Variants in OC90 observed in about 807,000 individuals in gnomAD.
The protein encoded by OC90 is otoconin 90, also known as otoconin-90.
OC90 carries 46 observed loss-of-function variants against 47.3 expected under a neutral mutation model. The ratio of observed to expected loss-of-function variants is 0.97; its 90% CI spans 0.77 to 1.24. OC90 has a LOEUF of 1.24. Among genes scored for constraint, OC90 ranks in the 50% most tolerant of loss-of-function variants. The pLI, the probability that OC90 is intolerant of heterozygous loss-of-function variation, is 0.00. For missense variants in OC90, 688 were observed against 583.9 expected (o/e 1.18, Z -1.84); for synonymous variants, 271 against 219.5 (o/e 1.23, Z -2.07).
chr8:132,040,636 T>G (rs931744726), intron 6 of OC90, among the ~76,000 whole-genome samples: 1 of 152,194 alleles, frequency 6.6e-6, no homozygotes, highest in African/African-American at 2.4e-5. Flanking sequence ...TGCTAACCAT[T>G]TCACAAGCAT....
intron 1 of OC90, among the ~76,000 whole-genome samples, chr8:132,057,907 A>G (rs1823296382): frequency 6.6e-6 from 1 of 152,264 alleles, no homozygotes; most frequent in South Asian, 2.1e-4. Context: ...GGCAATGACC[A>G]GACCCAGGTG....
chr8:132,039,090 G>A lies in OC90; in HGVS notation c.491C>T (p.Thr164Ile), dbSNP rs1586710524. 6.2e-7 allele frequency: 1 copy of A among 1,612,798 alleles called. No homozygotes were observed. The highest frequency in any genetic ancestry group is 1.1e-5 in the South Asian group (1 of 90,734). Reference protein sequence around the residue: ...SKDNCEHLLCTCDKAAIECLA... With the variant: ...SKDNCEHLLCICDKAAIECLA... ...GCACTCTATGGCAGCCTTATCACAG[G>A]TACACAGCAGGTGCTCACAGTTGTC... The change falls in exon 7 of 14, where the codon ACC becomes ATC. Residue 164 changes from threonine to isoleucine, a missense_variant. Thr to Ile is a moderately conservative substitution (Grantham distance 89). Transcript: ENST00000254627.
intron 2 of OC90, 30 bp from the exon 3 acceptor site, chr8:132,045,913 G>A: frequency 4.0e-6 from 5 of 1,259,650 alleles, no homozygotes; most frequent in Non-Finnish European, 5.7e-6. Context: ...AGTAGGGTAA[G>A]CACAAACACT....
chr8:132,046,062 G>A (rs1304065203), intron 2 of OC90, among the ~76,000 whole-genome samples, 179 bp from the exon 3 acceptor site: 1 of 152,174 alleles, frequency 6.6e-6, no homozygotes, highest in Non-Finnish European at 1.5e-5. Flanking sequence ...AAGGAAATAA[G>A]GGGATGGCTG....
chr8:132,057,466 C>G (rs1325997978), intron 1 of OC90, among the ~76,000 whole-genome samples: 1 of 152,096 alleles, frequency 6.6e-6, no homozygotes, highest in Non-Finnish European at 1.5e-5. Flanking sequence ...TGACTATGCT[C>G]TAATTTATTT....
chr8:132,028,934 G>GA, intron 13 of OC90, 139 bp downstream of exon 13: 3 of 593,138 alleles, frequency 5.1e-6, no homozygotes, highest in East Asian at 3.0e-5. Flanking sequence ...GGAAGGGAAG[G>GA]AAGGAAGGAA....
intron 1 of OC90, among the ~76,000 whole-genome samples, chr8:132,056,022 G>C (rs1015657893): frequency 6.6e-6 from 1 of 152,130 alleles, no homozygotes; most frequent in African/African-American, 2.4e-5. Flanking sequence ...TCTGCTTTTA[G>C]AACATGTTTT....
intron 1 of OC90, among the ~76,000 whole-genome samples, chr8:132,057,872 G>A (rs895664006): frequency 2.6e-5 from 4 of 152,216 alleles, no homozygotes; most frequent in Non-Finnish European, 1.5e-5. Flanking sequence ...TGCCAGGGTG[G>A]CCCTTGCCCA....
At chr8:132,039,724 A>G (rs569218729) in intron 6 of OC90, among the ~76,000 whole-genome samples, 4 of 151,936 alleles carry the variant, frequency 2.6e-5, no homozygotes, top group African/African-American at 7.2e-5. Context: ...CTCAACCACA[A>G]CAGGCCTCTC....
At chr8:132,041,417 A>G in intron 5 of OC90, 108 bp downstream of exon 5, 1 of 958,882 alleles carries the variant, frequency 1.0e-6, no homozygotes, top group Non-Finnish European at 1.6e-6. Context: ...CCCTCTCCTG[A>G]GTCCCAAGTC....
intron 13 of OC90, 77 bp from the exon 14 acceptor site, chr8:132,024,853 C>A (rs1001319454): frequency 1.5e-6 from 2 of 1,291,768 alleles, no homozygotes; most frequent in Non-Finnish European, 2.1e-6. Context: ...CCTGGCCACC[C>A]CTCAGCCCTT....
chr8:132,048,624 T>A (rs1337422724), intron 2 of OC90, among the ~76,000 whole-genome samples: 1 of 151,574 alleles, frequency 6.6e-6, no homozygotes, highest in Non-Finnish European at 1.5e-5. Flanking sequence ...TGTTTTTCTA[T>A]CAGCGTCAAT....
chr8:132,027,347 A>T (rs1332214729), intron 13 of OC90, among the ~76,000 whole-genome samples: 7 of 152,152 alleles, frequency 4.6e-5, no homozygotes. Flanking sequence ...TGAATGAGAG[A>T]GTGATATGTA....
intron 11 of OC90, 96 bp from the exon 12 acceptor site, chr8:132,032,148 T>C: frequency 8.9e-7 from 1 of 1,117,842 alleles, no homozygotes; most frequent in Non-Finnish European, 1.3e-6. Flanking sequence ...TGTGGACAAC[T>C]CTAGTCATGC....
At chr8:132,039,204 C>A in intron 6 of OC90, 81 bp from the exon 7 acceptor site, 1 of 1,437,326 alleles carries the variant, frequency 7.0e-7, no homozygotes, top group South Asian at 1.2e-5. Context: ...AGACTGAGTT[C>A]CTCATCTCCC....
rs185452238 is a variant in OC90 at position 132,024,349 on chromosome 8, T to C, written c.*132A>G. On this transcript the variant is annotated 3_prime_UTR_variant, in exon 14 of 14. Transcript: ENST00000254627. ...TGAGGCATGGGCAGGGCTCACGGCC[T>C]CTGTTCCCTCCCCGCCTCTGAGTTA... 1.1e-5 allele frequency: 8 copies of C among 733,758 alleles called. No individual in the cohort carries two copies. Among genetic ancestry groups the C allele is most frequent in the Non-Finnish European group, 1.7e-5 (8 of 465,914 alleles). The allele number at this position is 733,758 out of a possible 1,614,324, so 45.5% of individuals were successfully genotyped here. A position where few individuals can be genotyped will look rare whatever the true frequency, so the allele number is the denominator to read the frequency against.
rs1353916637 is a variant in OC90 at position 132,038,816 on chromosome 8, T to A, written c.602A>T (p.Glu201Val). The change falls in exon 8 of 14, where the codon GAA (glutamate) becomes GTA (valine). Residue 201 changes from glutamate to valine, a missense_variant. Coordinates refer to ENST00000254627, the MANE Select transcript of OC90 (RefSeq NM_001080399.3). ...TCTGGGCAGAAGTGTTGTCAAGTCT[T>A]CCTTGATGGTTGTCTCTGAAAAGAA... ...LAQTPETTIKEDLTTLLPRVV... is the reference protein window; with the variant it reads ...LAQTPETTIKVDLTTLLPRVV... 6.2e-7 allele frequency: 1 copy of A among 1,613,868 alleles called. No individual in the cohort carries two copies. Among genetic ancestry groups the A allele is most frequent in the East Asian group, 2.2e-5 (1 of 44,870 alleles).
chr8:132,044,352 C>A (rs372475017), intron 4 of OC90, 81 bp downstream of exon 4: 4 of 805,848 alleles, frequency 5.0e-6, no homozygotes, highest in African/African-American at 1.7e-5. Flanking sequence ...GGGTTGAGAC[C>A]AAGGCCCTTG....
rs767219494 is a variant in OC90 at position 132,036,395 on chromosome 8, T to C, written c.679+1043A>G. Reference sequence around the variant, plus strand: ...CTTTTCTTGGAGAGAGTGATCAGTCTGTCAGCCTCAGTCTCTGCAGCCACT... The same window carrying C: ...CTTTTCTTGGAGAGAGTGATCAGTCCGTCAGCCTCAGTCTCTGCAGCCACT... On this transcript the variant is annotated intron_variant, in intron 9 of 13. Transcript: ENST00000254627. 1.4e-5 allele frequency: 11 copies of C among 780,768 alleles called. No individual in the cohort carries two copies. The East Asian group carries it at 1.9e-4, about 14-fold the overall frequency. 48.4% of individuals were successfully genotyped at this position (780,768 alleles called of 1,614,324 possible).
Sources: gnomAD v4.1 joint callset for allele counts (sites outside exome capture counted in the v4.1 genomes callset) on GRCh38, gnomAD v4.1.1 for gene constraint, MANE v1.5 for transcripts, NCBI Gene and HGNC (gene_info 2026-07-23, HGNC 2026-07-21) for gene names.